Variants in ZPLD1 observed in about 807,000 individuals in gnomAD.
The protein encoded by ZPLD1 is zona pellucida-like domain-containing protein 1.
A neutral mutation model predicts 47.2 loss-of-function variants in ZPLD1; 34 were observed. The observed-to-expected ratio is 0.72, with a 90% CI of 0.55 to 0.96. The LOEUF (loss-of-function observed/expected upper bound fraction) is 0.96, where lower values mean the gene tolerates loss of function less well. ZPLD1 is among the 40% of genes least tolerant of loss of function. ZPLD1 has a pLI of 0.00. For missense variants in ZPLD1, 512 were observed against 505.8 expected (o/e 1.01, Z -0.12); for synonymous variants, 176 against 186.2 (o/e 0.95, Z 0.45).
chr3:102,472,140 T>C (rs1707694846), intron 10 of ZPLD1, among the ~76,000 whole-genome samples: 1 of 152,182 alleles, frequency 6.6e-6, no homozygotes, highest in Admixed American at 6.5e-5. Context: ...AACAAACTAA[T>C]AGGCCCTTTC....
At chr3:102,457,190 T>C (rs182968910) in intron 5 of ZPLD1, among the ~76,000 whole-genome samples, 1 of 152,224 alleles carries the variant, frequency 6.6e-6, no homozygotes, top group Non-Finnish European at 1.5e-5. Context: ...TATTCATAGC[T>C]GGTTTTAATA....
chr3:102,386,925 T>C (rs1706430804), intron 6 of ZPLD1, among the ~76,000 whole-genome samples: 1 of 152,222 alleles, frequency 6.6e-6, no homozygotes. Flanking sequence ...GTTGTTATCT[T>C]AGCATTTTTA....
At chr3:102,422,235 T>G (rs768020105) in intron 8 of ZPLD1, among the ~76,000 whole-genome samples, 1 of 151,986 alleles carries the variant, frequency 6.6e-6, no homozygotes, top group Non-Finnish European at 1.5e-5. Flanking sequence ...GTCATGAAGC[T>G]TAGAGGTTTA....
chr3:102,417,268 C>CCT (rs1706820107), intron 7 of ZPLD1, among the ~76,000 whole-genome samples: 1 of 151,958 alleles, frequency 6.6e-6, no homozygotes, highest in Non-Finnish European at 1.5e-5. Context: ...TTCAATCTTC[C>CCT]ACACAGTTAT....
chr3:102,455,418 T>C (rs1707397980), intron 4 of ZPLD1, among the ~76,000 whole-genome samples: 1 of 152,212 alleles, frequency 6.6e-6, no homozygotes, highest in African/African-American at 2.4e-5. Flanking sequence ...TTTACATAAC[T>C]TCTGAAAGTT....
chr3:102,425,786 C>T (rs1321488422), intron 8 of ZPLD1, among the ~76,000 whole-genome samples: 1 of 151,718 alleles, frequency 6.6e-6, no homozygotes, highest in Non-Finnish European at 1.5e-5. Context: ...CCTTTCAATG[C>T]TTTCATTCTC....
chr3:102,445,993 G>A (rs1707250191), intron 3 of ZPLD1, among the ~76,000 whole-genome samples: 1 of 152,098 alleles, frequency 6.6e-6, no homozygotes, highest in Non-Finnish European at 1.5e-5. Flanking sequence ...TGAAAACAGA[G>A]GCATCATCTC....
In ZPLD1 at chr3:102,461,935, A is replaced by G. The variant is rs189666167; in HGVS notation, c.583-346A>G. On this transcript the variant is annotated intron_variant, in intron 6 of 11. Coordinates refer to ENST00000466937, the MANE Select transcript of ZPLD1 (RefSeq NM_001329788.2). ...ATTAGTCTCTAATATAATCAAATAA[A>G]TGGAACATTAATTTAAGTAAACTAA... 3.8e-3 allele frequency among the ~76,000 whole-genome samples: 582 copies of G among 152,200 alleles called. 1 individual carries two copies. Among genetic ancestry groups the G allele is most frequent in the Non-Finnish European group, 6.6e-3 (448 of 67,910 alleles).
intron 9 of ZPLD1, among the ~76,000 whole-genome samples, chr3:102,469,960 AT>A (rs1707656002): frequency 6.6e-6 from 1 of 152,150 alleles, no homozygotes; most frequent in Non-Finnish European, 1.5e-5. Context: ...CAATTTATGC[AT>A]AAATGGGAAG....
At chr3:102,473,144 C>G (rs1395202631) in intron 10 of ZPLD1, among the ~76,000 whole-genome samples, 1 of 152,142 alleles carries the variant, frequency 6.6e-6, no homozygotes, top group Non-Finnish European at 1.5e-5. Context: ...TTACCTCCCA[C>G]AACATGTGGG....
chr3:102,397,652 C>G (rs1194796674), intron 7 of ZPLD1, among the ~76,000 whole-genome samples: 2 of 152,118 alleles, frequency 1.3e-5, no homozygotes, highest in Non-Finnish European at 2.9e-5. Context: ...CTCTCTAGGA[C>G]AGGGAGTCCT....
chr3:102,420,821 G>A (rs1211914764), intron 8 of ZPLD1, among the ~76,000 whole-genome samples: 1 of 151,762 alleles, frequency 6.6e-6, no homozygotes, highest in East Asian at 1.9e-4. Flanking sequence ...TTTGTTCTTG[G>A]AAAGTGACAA....
At chr3:102,451,792 G>A (rs924349148) in intron 3 of ZPLD1, among the ~76,000 whole-genome samples, 3 of 152,176 alleles carry the variant, frequency 2.0e-5, no homozygotes, top group Non-Finnish European at 2.9e-5. Context: ...GTTTCTCCCC[G>A]TGTCTCTGTC....
At chr3:102,476,827 G>C (rs779914627) in intron 10 of ZPLD1, among the ~76,000 whole-genome samples, 185 bp from the exon 11 acceptor site, 17 of 152,050 alleles carry the variant, frequency 1.1e-4, no homozygotes, top group Non-Finnish European at 1.8e-4. Context: ...ATATGAAACA[G>C]GGCATGGACA....
chr3:102,462,877 C>T (rs982366958), intron 7 of ZPLD1, among the ~76,000 whole-genome samples: 3 of 152,002 alleles, frequency 2.0e-5, no homozygotes, highest in Admixed American at 1.3e-4. Context: ...AGCAATCAAA[C>T]TAAAATGGAG....
In ZPLD1 at chr3:102,479,039, T is replaced by A. The variant is rs1210654735; in HGVS notation, c.*1421T>A. On this transcript the variant is annotated 3_prime_UTR_variant, in exon 12 of 12. Coordinates refer to ENST00000466937, the MANE Select transcript of ZPLD1 (RefSeq NM_001329788.2). ...GTTAATAATTAAATCAATCCTCAAG[T>A]TGAAAAACACTTTTTCTCCAATTTG... is the stretch of plus-strand genomic sequence containing the variant. The A allele has an allele frequency of 2.0e-5, 3 of 152,198 alleles. No homozygotes were observed. The highest frequency in any genetic ancestry group is 4.4e-5 in the Non-Finnish European group (3 of 68,030). 9.4% of individuals were successfully genotyped at this position (152,198 alleles called of 1,614,324 possible).
intron 8 of ZPLD1, among the ~76,000 whole-genome samples, chr3:102,420,285 G>C (rs1706861593): frequency 6.6e-6 from 1 of 151,876 alleles, no homozygotes. Flanking sequence ...TAATGAGAAA[G>C]TACTGAAAGA....
At position 102,470,479 on chromosome 3, in the gene ZPLD1, C is replaced by CT; in HGVS notation, c.1020dup (p.Gly341TrpfsTer8). 6.2e-7 allele frequency: 1 copy of CT among 1,613,920 alleles called. No homozygotes were observed. Among genetic ancestry groups the CT allele is most frequent in the Non-Finnish European group, 8.5e-7 (1 of 1,179,908 alleles). On this transcript the variant is annotated frameshift_variant, in exon 10 of 12. Coordinates refer to ENST00000466937, the MANE Select transcript of ZPLD1 (RefSeq NM_001329788.2). LOFTEE classifies it high-confidence loss of function. Reference sequence around the variant, plus strand: ...TCTTCTGGCAGCGCGGTGCTCTCTGCTGGTCCCATCATTACTCGGAGTGGT... The same window carrying CT: ...TCTTCTGGCAGCGCGGTGCTCTCTGCTTGGTCCCATCATTACTCGGAGTGGT...
chr3:102,468,486 G>A (rs534648020), intron 8 of ZPLD1, among the ~76,000 whole-genome samples: 39 of 152,168 alleles, frequency 2.6e-4, no homozygotes, highest in African/African-American at 9.4e-4. Context: ...ATATTGATAC[G>A]GAAAGATCTC....
Sources: allele counts gnomAD v4.1 joint callset (sites outside exome capture counted in the v4.1 genomes callset), GRCh38; gene constraint gnomAD v4.1.1; transcripts MANE v1.5; gene names NCBI Gene and HGNC (gene_info 2026-07-23, HGNC 2026-07-21).